Variants in ANKS1B observed in about 807,000 individuals in gnomAD.
The protein encoded by ANKS1B is ankyrin repeat and sterile alpha motif domain-containing protein 1B.
ANKS1B carries 36 observed loss-of-function variants against 148.3 expected under a neutral mutation model. The ratio of observed to expected loss-of-function variants is 0.24; its 90% CI spans 0.19 to 0.32. The LOEUF (loss-of-function observed/expected upper bound fraction) is 0.32, where lower values mean the gene tolerates loss of function less well. ANKS1B is among the 10% of genes least tolerant of loss of function. The pLI is 1.00. For synonymous variants in ANKS1B, 542 were observed against 560.8 expected, an observed-to-expected ratio of 0.97 and a Z score of 0.47; for missense variants, 1,157 against 1,542.6, an observed-to-expected ratio of 0.75 and a Z score of 4.19.
rs564721409 is a variant in ANKS1B at position 98,887,984 on chromosome 12, C to T, written c.2779-55848G>A. Reference sequence around the variant, plus strand: ...CAGTTATAAAGTCTTTCTTTCTATCCGCACAGTCATGTATCAATCCCTTTG... The same window carrying T: ...CAGTTATAAAGTCTTTCTTTCTATCTGCACAGTCATGTATCAATCCCTTTG... On this transcript the variant is annotated intron_variant, in intron 17 of 26. Coordinates refer to ENST00000683438, the MANE Select transcript of ANKS1B (RefSeq NM_001352186.2). Among the ~76,000 whole-genome samples, 11 of 152,196 alleles carry T rather than the reference C, an allele frequency of 7.2e-5. No individual in the cohort carries two copies. The South Asian group carries it at 1.5e-3, about 20-fold the overall frequency.
intron 17 of ANKS1B, among the ~76,000 whole-genome samples, chr12:98,981,851 G>A (rs969189592): frequency 2.6e-5 from 4 of 152,212 alleles, no homozygotes; most frequent in East Asian, 1.9e-4. Context: ...GATAATATTC[G>A]TGTCTTGTTA....
intron 25 of ANKS1B, among the ~76,000 whole-genome samples, chr12:98,757,763 C>G (rs963131833): frequency 6.6e-6 from 1 of 152,234 alleles, no homozygotes; most frequent in Non-Finnish European, 1.5e-5. Context: ...TGTAACCTGG[C>G]CTGTCTCCGA....
At chr12:99,452,686 G>A (rs2095765046) in intron 10 of ANKS1B, among the ~76,000 whole-genome samples, 1 of 152,162 alleles carries the variant, frequency 6.6e-6, no homozygotes, top group Admixed American at 6.5e-5. Context: ...ACCACTTGAG[G>A]AAGATAATAT....
At chr12:98,877,267 T>C (rs1199504324) in intron 17 of ANKS1B, among the ~76,000 whole-genome samples, 1 of 152,176 alleles carries the variant, frequency 6.6e-6, no homozygotes, top group Non-Finnish European at 1.5e-5. Context: ...AGCCAAGGTA[T>C]CATCTTGATT....
At chr12:99,630,249 C>G (rs1196514548) in intron 9 of ANKS1B, among the ~76,000 whole-genome samples, 1 of 152,108 alleles carries the variant, frequency 6.6e-6, no homozygotes, top group Non-Finnish European at 1.5e-5. Context: ...TCTGAAGGCA[C>G]TAAAATAATC....
chr12:99,779,995 C>CTAGA, intron 5 of ANKS1B, 23 bp from the exon 6 acceptor site: 1 of 1,498,168 alleles, frequency 6.7e-7, no homozygotes, highest in Non-Finnish European at 9.3e-7. Flanking sequence ...GAAAAACTCA[C>CTAGA]TAGATATACA....
chr12:98,973,829 T>C (rs984520566), intron 17 of ANKS1B, among the ~76,000 whole-genome samples: 1 of 152,122 alleles, frequency 6.6e-6, no homozygotes, highest in South Asian at 2.1e-4. Flanking sequence ...TATCTATCTA[T>C]ATCTATCACA....
At chr12:99,478,832 C>T (rs2096366588) in intron 10 of ANKS1B, among the ~76,000 whole-genome samples, 4 of 152,034 alleles carry the variant, frequency 2.6e-5, no homozygotes, top group Admixed American at 2.6e-4. Context: ...AGAGGAAAGA[C>T]CGAATTACCC....
At chr12:99,379,332 T>C (rs2093539327) in intron 12 of ANKS1B, among the ~76,000 whole-genome samples, 1 of 152,210 alleles carries the variant, frequency 6.6e-6, no homozygotes, top group African/African-American at 2.4e-5. Flanking sequence ...AATCAAATCA[T>C]GGCTCCACTC....
At chr12:99,187,332 T>C (rs2080002488) in intron 14 of ANKS1B, among the ~76,000 whole-genome samples, 1 of 151,950 alleles carries the variant, frequency 6.6e-6, no homozygotes, top group African/African-American at 2.4e-5. Context: ...CAGGAAATAC[T>C]GAGAACACCA....
At chr12:99,582,857 T>C (rs769656398) in intron 9 of ANKS1B, among the ~76,000 whole-genome samples, 11 of 152,240 alleles carry the variant, frequency 7.2e-5, no homozygotes, top group Admixed American at 2.0e-4. Flanking sequence ...ATCAAAAGTA[T>C]CAGACACCAA....
At chr12:98,811,119 G>A (rs778444918) in intron 19 of ANKS1B, among the ~76,000 whole-genome samples, 1 of 152,184 alleles carries the variant, frequency 6.6e-6, no homozygotes, top group Non-Finnish European at 1.5e-5. Context: ...TGTGCTCTAC[G>A]TAGCAGCTGC....
At chr12:98,808,956 T>G (rs1222643928) in intron 19 of ANKS1B, among the ~76,000 whole-genome samples, 1 of 152,180 alleles carries the variant, frequency 6.6e-6, no homozygotes, top group African/African-American at 2.4e-5. Context: ...CAAAGAACTG[T>G]ATCATCAGCA....
chr12:99,310,841 T>C (rs2083043802), intron 12 of ANKS1B, among the ~76,000 whole-genome samples: 1 of 152,196 alleles, frequency 6.6e-6, no homozygotes, highest in South Asian at 2.1e-4. Flanking sequence ...AATACAAATA[T>C]AAACTCTATA....
At chr12:98,743,707 C>CT (rs1275594197), downstream of ANKS1B, among the ~76,000 whole-genome samples, 1 of 152,236 alleles carries the variant, frequency 6.6e-6, no homozygotes, top group African/African-American at 2.4e-5. Flanking sequence ...GGTCCTTTCT[C>CT]TTTTAGAGAT....
chr12:98,829,928 T>C lies in ANKS1B; in HGVS notation c.2887-575A>G, dbSNP rs1220135660. Among the ~76,000 whole-genome samples the C allele has an allele frequency of 1.3e-5, 2 of 152,186 alleles. No individual in the cohort carries two copies. Among genetic ancestry groups the C allele is most frequent in the African/African-American group, 2.4e-5 (1 of 41,438 alleles). ...CGGGTCAGGAGGAAGATAGGGGGCA[T>C]AGACAGCTCAGCTCTACTATTTGCA... is the stretch of plus-strand genomic sequence containing the variant. On this transcript the variant is annotated intron_variant, in intron 18 of 26. Coordinates refer to ENST00000683438, the MANE Select transcript of ANKS1B (RefSeq NM_001352186.2). This position sits in a 1 kb window ranked among gnomAD's most constrained non-coding sequence, Gnocchi z 5.2.
intron 16 of ANKS1B, among the ~76,000 whole-genome samples, chr12:99,067,757 G>A (rs1243408318): frequency 6.6e-6 from 1 of 152,100 alleles, no homozygotes; most frequent in Admixed American, 6.6e-5. Context: ...TTATAGTTAA[G>A]GGATAATCTA....
At chr12:98,826,540 T>C (rs2099250316) in intron 19 of ANKS1B, among the ~76,000 whole-genome samples, 1 of 151,914 alleles carries the variant, frequency 6.6e-6, no homozygotes, top group Admixed American at 6.6e-5. Flanking sequence ...GGGCTAGAAT[T>C]CCAAATCACT....
At chr12:99,305,829 G>T (rs1327703817) in intron 12 of ANKS1B, among the ~76,000 whole-genome samples, 1 of 152,110 alleles carries the variant, frequency 6.6e-6, no homozygotes, top group Non-Finnish European at 1.5e-5. Flanking sequence ...CAACTTCTCT[G>T]CCATACAATA....
Sources: allele counts gnomAD v4.1 joint callset (sites outside exome capture counted in the v4.1 genomes callset), GRCh38; gene constraint gnomAD v4.1.1; non-coding constraint Gnocchi (gnomAD v3.1); transcripts MANE v1.5; gene names NCBI Gene and HGNC (gene_info 2026-07-23, HGNC 2026-07-21).